DNAJC1: variants seen among roughly 807,000 people sequenced by gnomAD.
DNAJC1 encodes dnaJ homolog subfamily C member 1.
In DNAJC1, 58 loss-of-function variants were observed where a neutral mutation model predicts 76.6. The observed-to-expected ratio is 0.76, with a 90% confidence interval of 0.61 to 0.94. The LOEUF is 0.94. Ranked by LOEUF, DNAJC1 falls within the 40% of genes least tolerant of loss-of-function variation. The pLI is 0.00. For missense variants in DNAJC1, 689 were observed against 677.3 expected (o/e 1.02, Z -0.19); for synonymous variants, 258 against 267.9 (o/e 0.96, Z 0.36).
chr10:21,799,872 C>G (rs146392812), intron 9 of DNAJC1, among the ~76,000 whole-genome samples: 1 of 152,232 alleles, frequency 6.6e-6, no homozygotes, highest in East Asian at 1.9e-4. Flanking sequence ...AGAACCATTT[C>G]CCCTGAGCAC....
At chr10:21,830,952 C>G (rs1257202434) in intron 8 of DNAJC1, among the ~76,000 whole-genome samples, 3 of 152,112 alleles carry the variant, frequency 2.0e-5, no homozygotes, top group Non-Finnish European at 4.4e-5. Flanking sequence ...ACTTTTATCT[C>G]TTTAATCATT....
intron 6 of DNAJC1, among the ~76,000 whole-genome samples, chr10:21,909,458 A>G (rs568394970): frequency 2.6e-5 from 4 of 152,356 alleles, no homozygotes; most frequent in East Asian, 1.9e-4. Flanking sequence ...AAAAATAACT[A>G]TAAATATTAA....
intron 8 of DNAJC1, among the ~76,000 whole-genome samples, chr10:21,828,690 C>T (rs1835304291): frequency 6.6e-6 from 1 of 152,190 alleles, no homozygotes. Flanking sequence ...TTCCTCCCTC[C>T]ATATTACTTT....
intron 9 of DNAJC1, among the ~76,000 whole-genome samples, chr10:21,766,591 C>T (rs1350826608): frequency 2.6e-5 from 4 of 152,116 alleles, no homozygotes; most frequent in South Asian, 2.1e-4. Flanking sequence ...TTCCGTTATA[C>T]GAGGCTGCCT....
At chr10:21,961,126 G>A (rs1169055317) in intron 1 of DNAJC1, among the ~76,000 whole-genome samples, 1 of 152,160 alleles carries the variant, frequency 6.6e-6, no homozygotes, top group Non-Finnish European at 1.5e-5. Context: ...CATTGGTAGT[G>A]GGCTCCAACA....
intron 9 of DNAJC1, among the ~76,000 whole-genome samples, chr10:21,767,872 G>A (rs1834319179): frequency 6.6e-6 from 1 of 152,146 alleles, no homozygotes; most frequent in Non-Finnish European, 1.5e-5. Context: ...GCACACGCCT[G>A]TAATCCCAGC....
Position 21,903,161 on chromosome 10 carries a change from C to T in DNAJC1, c.820+1361G>A, listed in dbSNP as rs548129541. ...GCTGGTCTCCTGACCTCAGGTGATCCGCCCGCCTCGGCCTCCAAAAGAGCT... is the reference window on the plus strand; with the variant it reads ...GCTGGTCTCCTGACCTCAGGTGATCTGCCCGCCTCGGCCTCCAAAAGAGCT... On this transcript the variant is annotated intron_variant, in intron 7 of 11. Coordinates refer to ENST00000376980, the MANE Select transcript of DNAJC1 (RefSeq NM_022365.4). 3.5e-4 allele frequency among the ~76,000 whole-genome samples: 53 copies of T among 152,164 alleles called. 1 individual carries two copies. The highest frequency in any genetic ancestry group is 1.4e-3 in the Admixed American group (22 of 15,284).
At chr10:21,816,231 G>A (rs1352062565) in intron 8 of DNAJC1, among the ~76,000 whole-genome samples, 1 of 151,458 alleles carries the variant, frequency 6.6e-6, no homozygotes, top group African/African-American at 2.4e-5. Flanking sequence ...AGGCAGACGT[G>A]AGCCTGTAAT....
intron 8 of DNAJC1, among the ~76,000 whole-genome samples, chr10:21,863,767 G>GA (rs1207129786): frequency 1.3e-5 from 2 of 152,064 alleles, no homozygotes; most frequent in African/African-American, 4.8e-5. Context: ...ATTAGATGCA[G>GA]AAAAAAAGAT....
chr10:21,996,133 CTCTT>C (rs1456470459), intron 1 of DNAJC1, among the ~76,000 whole-genome samples: 2 of 152,186 alleles, frequency 1.3e-5, no homozygotes, highest in African/African-American at 4.8e-5. Context: ...TCAGAAATCT[CTCTT>C]TCCACTGCAA....
intron 1 of DNAJC1, among the ~76,000 whole-genome samples, chr10:21,965,924 A>G (rs904001513): frequency 6.6e-6 from 1 of 152,186 alleles, no homozygotes; most frequent in Non-Finnish European, 1.5e-5. Flanking sequence ...TGGATCAGGT[A>G]CCCCTTTCCT....
At chr10:21,846,587 T>C (rs936972640) in intron 8 of DNAJC1, among the ~76,000 whole-genome samples, 14 of 152,136 alleles carry the variant, frequency 9.2e-5, no homozygotes, top group African/African-American at 3.4e-4. Context: ...TTAAAACTTT[T>C]TAAAATTGAA....
rs1294428699 is a variant in DNAJC1, at chr10:21,806,013, C to G, written c.1065G>C (p.Lys355Asn). 2.3e-5 allele frequency: 37 copies of G among 1,611,564 alleles called. No homozygotes were observed. The Admixed American group carries it at 5.8e-4, about 25-fold the overall frequency. Residue 355 changes from lysine (K) to asparagine (N), a missense_variant, in exon 9 of 12, where the codon AAG becomes AAC. By Grantham distance (94) the Lys-to-Asn change is moderately conservative. Transcript: ENST00000376980. ...FPGGTPGRWEKIAHELGRSVT... is the reference protein window; with the variant it reads ...FPGGTPGRWENIAHELGRSVT... The stretch of plus-strand genomic sequence containing the variant: ...CAGATCGACCCAATTCGTGGGCAAT[C>G]TTTTCCCATCGACCTGGAGTCCCTC...
intron 7 of DNAJC1, among the ~76,000 whole-genome samples, chr10:21,885,749 G>GA (rs1447227599): frequency 6.6e-6 from 1 of 152,106 alleles, no homozygotes; most frequent in Non-Finnish European, 1.5e-5. Flanking sequence ...GATAAATCAT[G>GA]AAATAAAGGC....
In DNAJC1 at chr10:21,852,297, G is replaced by A. The variant is rs141598450; in HGVS notation, c.978+29985C>T. On this transcript the variant is annotated intron_variant, in intron 8 of 11. Transcript: ENST00000376980. ...AATTCATAGAGACAAAATGCAGACT[G>A]GTGGTTGTCACGGGCTGGTGGAGGT... Among the ~76,000 whole-genome samples, 435 of 152,186 alleles carry A rather than the reference G, an allele frequency of 2.9e-3. 4 individuals are homozygous for A. Among genetic ancestry groups the A allele is most frequent in the African/African-American group, 0.01 (420 of 41,530 alleles).
At chr10:21,910,396 G>A (rs1564824700) in intron 6 of DNAJC1, among the ~76,000 whole-genome samples, 1 of 152,052 alleles carries the variant, frequency 6.6e-6, no homozygotes, top group Non-Finnish European at 1.5e-5. Flanking sequence ...GTGAGCCACC[G>A]CACCCGGACA....
At chr10:21,785,012 G>C (rs1376590517) in intron 9 of DNAJC1, among the ~76,000 whole-genome samples, 1 of 151,948 alleles carries the variant, frequency 6.6e-6, no homozygotes, top group Non-Finnish European at 1.5e-5. Context: ...TAACAAACCT[G>C]CATGTTGTGC....
At chr10:22,001,232 T>C (rs1838514536) in intron 1 of DNAJC1, among the ~76,000 whole-genome samples, 1 of 152,216 alleles carries the variant, frequency 6.6e-6, no homozygotes, top group African/African-American at 2.4e-5. Flanking sequence ...TGGTCCCTCA[T>C]GTTTGGCTAG....
intron 8 of DNAJC1, among the ~76,000 whole-genome samples, chr10:21,818,191 T>C (rs191487576): frequency 6.6e-6 from 1 of 152,264 alleles, no homozygotes; most frequent in Non-Finnish European, 1.5e-5. Flanking sequence ...AGAGAATGTG[T>C]CCCTGTGGGC....
Sources: gnomAD v4.1 joint callset for allele counts (sites outside exome capture counted in the v4.1 genomes callset) on GRCh38, gnomAD v4.1.1 for gene constraint, MANE v1.5 for transcripts, NCBI Gene and HGNC (gene_info 2026-07-23, HGNC 2026-07-21) for gene names.